SLC22A25: variants seen among roughly 807,000 people sequenced by gnomAD.
SLC22A25 encodes the protein MGI:2442751, MGI:2385316, MGI:3042283, MGI:3645714, MGI:3605624, MGI:2442750.
Under a neutral mutation model 45.9 loss-of-function variants are expected in SLC22A25, and 44 were observed. That is an observed-to-expected ratio of 0.96 (90% CI 0.75 to 1.23). The LOEUF (loss-of-function observed/expected upper bound fraction) is 1.23. Among genes scored for constraint, SLC22A25 ranks in the 50% most tolerant of loss-of-function variants. The probability of loss-of-function intolerance (pLI) is 0.00; values close to 1 mark genes in which losing one functional copy is unlikely to be tolerated. For missense variants in SLC22A25, 800 were observed against 666.4 expected (o/e 1.20, Z -2.21); for synonymous variants, 283 against 238.6 (o/e 1.19, Z -1.72).
At chr11:63,233,705 C>G (rs75269907) in intron 3 of SLC22A25, among the ~76,000 whole-genome samples, 2,845 of 152,250 alleles carry the variant, frequency 0.019, 218 homozygotes, top group East Asian at 0.14. Context: ...TCTTGCTTCT[C>G]TAGTTCTTTT....
At chr11:63,236,182 A>T (rs1190128796) in intron 3 of SLC22A25, among the ~76,000 whole-genome samples, 1 of 152,170 alleles carries the variant, frequency 6.6e-6, no homozygotes, top group Non-Finnish European at 1.5e-5. Flanking sequence ...TCAGACAGGG[A>T]CATTTAAGTC....
At chr11:63,204,424 C>T (rs1400599678) in intron 7 of SLC22A25, among the ~76,000 whole-genome samples, 1 of 152,140 alleles carries the variant, frequency 6.6e-6, no homozygotes, top group South Asian at 2.1e-4. Context: ...ATCTCACATG[C>T]AAGAACACAC....
In SLC22A25 at chr11:63,229,446, C is replaced by T; in HGVS notation, c.207G>A (p.Gln69=). Reference sequence around the variant, plus strand: ...GGATGGAGATTCTCAGGAGGGCATCCTGGCTGAGGGTCCCAGGGTCATTGT... The same window carrying T: ...GGATGGAGATTCTCAGGAGGGCATCTTGGCTGAGGGTCCCAGGGTCATTGT... The part of the protein sequence containing the change: ...IPDNDPGTLS[Q]DALLRISIPF... The change falls in exon 4 of 12, where the codon CAG becomes CAA. Residue 69 remains glutamine, a synonymous_variant. Transcript: ENST00000306494. 3 of 1,614,028 alleles carry T rather than the reference C, an allele frequency of 1.9e-6. No individual in the cohort carries two copies. The highest frequency in any genetic ancestry group is 2.2e-5 in the South Asian group (2 of 91,074).
chr11:63,198,336 A>G (rs1315984262), intron 7 of SLC22A25, among the ~76,000 whole-genome samples: 1 of 152,248 alleles, frequency 6.6e-6, no homozygotes, highest in Admixed American at 6.5e-5. Context: ...AATGTCGATC[A>G]ATGATAGACT....
chr11:63,212,673 G>C (rs944236166), intron 7 of SLC22A25, among the ~76,000 whole-genome samples: 4 of 136,752 alleles, frequency 2.9e-5, no homozygotes, highest in African/African-American at 1.1e-4. Context: ...GTTGTGGGGT[G>C]GGGGAGGGGG....
At chr11:63,228,598 A>G in intron 4 of SLC22A25, 34 bp from the exon 5 acceptor site, 2 of 1,487,732 alleles carry the variant, frequency 1.3e-6, no homozygotes, top group Non-Finnish European at 1.9e-6. Context: ...ATCAATGCTT[A>G]TAGCCCCTCA....
chr11:63,237,747 C>A (rs1020193364), intron 3 of SLC22A25, among the ~76,000 whole-genome samples, 134 bp downstream of exon 3: 1 of 152,156 alleles, frequency 6.6e-6, no homozygotes, highest in Non-Finnish European at 1.5e-5. Flanking sequence ...GACAGGATAG[C>A]CCTCACCACA....
intron 7 of SLC22A25, among the ~76,000 whole-genome samples, chr11:63,186,018 C>T (rs1336211832): frequency 2.6e-5 from 4 of 151,944 alleles, no homozygotes; most frequent in African/African-American, 9.7e-5. Context: ...GTGCATGTGT[C>T]TTTATAGTAG....
chr11:63,211,495 C>G lies in SLC22A25; in HGVS notation c.830+5819G>C, dbSNP rs527391474. 1.7e-3 allele frequency among the ~76,000 whole-genome samples: 254 copies of G among 152,200 alleles called. 13 individuals are homozygous for G. The South Asian group carries it at 0.052, about 31-fold the overall frequency. ...CCTTCTTTTGTTTGAAGCTTGCTCC[C>G]CAAAGTCAGCCTATATTTGCCTGCC... On this transcript the variant is annotated intron_variant, in intron 7 of 11. Coordinates refer to ENST00000306494, the MANE Select transcript of SLC22A25 (RefSeq NM_199352.6).
At chr11:63,230,848 T>G (rs903469254) in intron 3 of SLC22A25, among the ~76,000 whole-genome samples, 2 of 152,144 alleles carry the variant, frequency 1.3e-5, no homozygotes, top group Admixed American at 6.5e-5. Context: ...CCCCTTCCTG[T>G]GTCCAAATGT....
intron 9 of SLC22A25, among the ~76,000 whole-genome samples, chr11:63,175,825 G>GTGTGTATATA (rs36011311): frequency 6.7e-6 from 1 of 150,226 alleles, no homozygotes; most frequent in Non-Finnish European, 1.5e-5. Flanking sequence ...AATTGGGTGT[G>GTGTGTATATA]TATATATATA....
In SLC22A25 at chr11:63,180,766, A is replaced by T. The variant is rs1164160992; in HGVS notation, c.964T>A (p.Ser322Thr). 6.2e-7 allele frequency: 1 copy of T among 1,612,336 alleles called. No homozygotes were observed. The highest frequency in any genetic ancestry group is 1.1e-5 in the South Asian group (1 of 90,826). Reference sequence around the variant, plus strand: ...GCCTCCAGTTCTTGCTTCATGGTGGATTTCAAAACCTTCAACAACAACAGA... The same window carrying T: ...GCCTCCAGTTCTTGCTTCATGGTGGTTTTCAAAACCTTCAACAACAACAGA... ...EDILTMEVLK[S>T]TMKQELEAAQ... Residue 322 changes from serine to threonine, a missense_variant, in exon 9 of 12, where the codon TCC (serine) becomes ACC (threonine). Transcript: ENST00000306494.
chr11:63,211,558 G>T (rs939905126), intron 7 of SLC22A25, among the ~76,000 whole-genome samples: 1 of 152,106 alleles, frequency 6.6e-6, no homozygotes, highest in African/African-American at 2.4e-5. Flanking sequence ...CAAGGCTGCC[G>T]CAAGGGTTTA....
rs753684100 is a variant in SLC22A25, at chr11:63,180,720, A to G, written c.1010T>C (p.Leu337Pro). ...GTTGGGTATGCGGAGCAATTCACAA[A>G]GAGAATGCTTTTTCTGTGCTGCCTC... ...ELEAAQKKHS[L>P]CELLRIPNIC... Residue 337 changes from leucine to proline, a missense_variant, in exon 9 of 12, where the codon CTT (leucine) becomes CCT (proline). Physicochemically the swap from Leu to Pro is moderately conservative, Grantham distance 98 (BLOSUM62 -3). Transcript: ENST00000306494. The G allele has an allele frequency of 6.2e-7, 1 of 1,613,312 alleles. No individual in the cohort carries two copies. Among genetic ancestry groups the G allele is most frequent in the Non-Finnish European group, 8.5e-7 (1 of 1,179,562 alleles).
chr11:63,207,745 G>A (rs2089445485), intron 7 of SLC22A25, among the ~76,000 whole-genome samples: 1 of 152,162 alleles, frequency 6.6e-6, no homozygotes, highest in Admixed American at 6.5e-5. Context: ...GCATTGTGAA[G>A]ACCCTGTTTC....
At chr11:63,241,860 T>C (rs376993252) in intron 1 of SLC22A25, among the ~76,000 whole-genome samples, 21 of 152,222 alleles carry the variant, frequency 1.4e-4, no homozygotes, top group Non-Finnish European at 2.2e-4. Flanking sequence ...GCAGCTTAAA[T>C]GGCCTTTTGT....
chr11:63,162,771 A>C lies in SLC22A25; in HGVS notation c.*1053T>G. ...ATTTTATATTTAACCATTTAGAATC[A>C]CAGTTGTAAATGGAATGTATTTATC... On this transcript the variant is annotated 3_prime_UTR_variant, in exon 12 of 12. Transcript: ENST00000306494. Among the ~76,000 whole-genome samples, 1 of 152,328 alleles carries C rather than the reference A, an allele frequency of 6.6e-6. No homozygotes were observed. The highest frequency in any genetic ancestry group is 2.1e-4 in the South Asian group (1 of 4,830).
chr11:63,160,645 A>G lies in SLC22A25; in HGVS notation c.*3179T>C, dbSNP rs1227668542. 6.6e-6 allele frequency among the ~76,000 whole-genome samples: 1 copy of G among 152,184 alleles called. No individual in the cohort carries two copies. Among genetic ancestry groups the G allele is most frequent in the African/African-American group, 2.4e-5 (1 of 41,452 alleles). Reference sequence around the variant, plus strand: ...TGTGAGAAGAGGGTCTTCGACCTCCAGACCCCAGAATTGTAAAGGCATTGA... The same window carrying G: ...TGTGAGAAGAGGGTCTTCGACCTCCGGACCCCAGAATTGTAAAGGCATTGA... On this transcript the variant is annotated 3_prime_UTR_variant, in exon 12 of 12. Transcript: ENST00000306494.
At position 63,196,704 on chromosome 11, in the gene SLC22A25, G is replaced by T. The variant is rs557568799; in HGVS notation, c.831-12887C>A. Among the ~76,000 whole-genome samples the T allele has an allele frequency of 5.9e-5, 9 of 152,308 alleles. No homozygotes were observed. The East Asian group carries it at 9.6e-4, about 16-fold the overall frequency. On this transcript the variant is annotated intron_variant, in intron 7 of 11. Coordinates refer to ENST00000306494, the MANE Select transcript of SLC22A25 (RefSeq NM_199352.6). ...CCTTTGAAAACTGGCACAAAACAGG[G>T]ATGCCTTCTCTCACCAGTCCTATTC... is the stretch of plus-strand genomic sequence containing the variant.
Sources: allele counts gnomAD v4.1 joint callset (sites outside exome capture counted in the v4.1 genomes callset), GRCh38; gene constraint gnomAD v4.1.1; transcripts MANE v1.5; gene names NCBI Gene and HGNC (gene_info 2026-07-23, HGNC 2026-07-21).